Variants in DIAPH2 observed in about 807,000 individuals in gnomAD.
DIAPH2 encodes protein diaphanous homolog 2.
In DIAPH2, 35 loss-of-function variants were observed where a neutral mutation model predicts 92.7. The ratio of observed to expected loss-of-function variants is 0.38; its 90% CI spans 0.29 to 0.50. DIAPH2 has a LOEUF of 0.50. DIAPH2 is among the 20% of genes least tolerant of loss of function. The pLI is 0.94. For synonymous variants in DIAPH2, 301 were observed against 280.4 expected (o/e 1.07, Z -0.73); for missense variants, 701 against 819.5 (o/e 0.86, Z 1.77).
At chrX:96,752,078 AAAT>A (rs1488831206) in intron 3 of DIAPH2, among the ~76,000 whole-genome samples, 1 of 112,304 alleles carries the variant, frequency 8.9e-6, no homozygotes, top group African/African-American at 3.2e-5. Flanking sequence ...GTATGTTTAG[AAAT>A]AGTTTCATAT....
At chrX:97,062,043 C>T (rs745583400) in intron 17 of DIAPH2, among the ~76,000 whole-genome samples, 5 of 111,226 alleles carry the variant, frequency 4.5e-5, no homozygotes, top group Admixed American at 1.9e-4. Flanking sequence ...ATTCTAAGAA[C>T]TTATATATCC....
Position 96,939,554 on chromosome X carries a change from GTATA to G in DIAPH2, c.1325+182_1325+185del, listed in dbSNP as rs368489466. Among the ~76,000 whole-genome samples, 71 of 51,100 alleles carry G rather than the reference GTATA, an allele frequency of 1.4e-3. 1 individual carries two copies. Among genetic ancestry groups the G allele is most frequent in the African/African-American group, 4.3e-3 (70 of 16,173 alleles). The allele number at this position is 51,100 out of a possible 115,157, so 44.4% of individuals were successfully genotyped here. ...TGTATATATATATGTATGTATATAT[GTATA>G]TATATATATGTGTGTGTGTGTGTAT... On this transcript the variant is annotated intron_variant, in intron 12 of 26. Transcript: ENST00000324765.
chrX:97,204,133 TA>T (rs905108746), intron 22 of DIAPH2, among the ~76,000 whole-genome samples: 3 of 112,160 alleles, frequency 2.7e-5, no homozygotes, highest in African/African-American at 9.7e-5. Context: ...CATTTCATGT[TA>T]AAAACTCTCA....
intron 4 of DIAPH2, among the ~76,000 whole-genome samples, chrX:96,769,198 A>G (rs1453672238): frequency 2.7e-5 from 3 of 112,134 alleles, no homozygotes; most frequent in South Asian, 3.7e-4. Context: ...GTATGAATCA[A>G]TAATGACTGA....
chrX:96,755,830 A>G (rs2064225008), intron 3 of DIAPH2, among the ~76,000 whole-genome samples: 1 of 109,915 alleles, frequency 9.1e-6, no homozygotes, highest in Non-Finnish European at 1.9e-5. Flanking sequence ...TCACCCTTTT[A>G]CAATGTGCTC....
At chrX:97,370,459 T>G (rs975691277) in intron 24 of DIAPH2, among the ~76,000 whole-genome samples, 16 of 112,131 alleles carry the variant, frequency 1.4e-4, no homozygotes, top group Non-Finnish European at 3.0e-4. Flanking sequence ...TGATTTTTAG[T>G]GGAACAGTAC....
At position 97,114,719 on chromosome X, in the gene DIAPH2, C is replaced by G; in HGVS notation, c.2350-7C>G. 8.4e-7 allele frequency: 1 copy of G among 1,195,442 alleles called. No homozygotes were observed. The highest frequency in any genetic ancestry group is 1.1e-6 in the Non-Finnish European group (1 of 886,977). ...TATATTCTCATAGGGTATTTCTTAT[C>G]TTACAGATGAGCTCTGTGAAAATGT... On this transcript the variant is annotated splice_region_variant and splice_polypyrimidine_tract_variant and intron_variant, in intron 20 of 26. Transcript: ENST00000324765.
chrX:97,479,534 T>C (rs1046890680), intron 26 of DIAPH2, among the ~76,000 whole-genome samples: 4 of 112,075 alleles, frequency 3.6e-5, no homozygotes, highest in African/African-American at 6.5e-5. Context: ...GCTGGATTTC[T>C]TTAAAATTGT....
chrX:97,331,112 G>A (rs968442042), intron 23 of DIAPH2, among the ~76,000 whole-genome samples: 1 of 111,134 alleles, frequency 9.0e-6, no homozygotes, highest in Admixed American at 9.7e-5. Context: ...TAGATTCACA[G>A]TTCTAGTTTA....
chrX:97,223,242 G>GTT (rs1212505505), intron 22 of DIAPH2, among the ~76,000 whole-genome samples: 1 of 111,479 alleles, frequency 9.0e-6, no homozygotes, highest in Non-Finnish European at 1.9e-5. Flanking sequence ...AAATTTGACT[G>GTT]TTATATATAT....
intron 26 of DIAPH2, among the ~76,000 whole-genome samples, chrX:97,560,142 C>A (rs913567315): frequency 8.9e-6 from 1 of 111,886 alleles, no homozygotes; most frequent in Admixed American, 9.5e-5. Context: ...TTAAAAAGAT[C>A]CCTGCCACCT....
At chrX:97,399,465 G>T (rs1490664284) in intron 25 of DIAPH2, among the ~76,000 whole-genome samples, 1 of 112,063 alleles carries the variant, frequency 8.9e-6, no homozygotes, top group Admixed American at 9.4e-5. Context: ...TTATTTGCAT[G>T]TAATGCTTTC....
intron 17 of DIAPH2, among the ~76,000 whole-genome samples, chrX:96,987,358 G>A (rs916639580): frequency 1.8e-5 from 2 of 111,483 alleles, no homozygotes; most frequent in Non-Finnish European, 3.8e-5. Flanking sequence ...CAACAAATAT[G>A]TATTGAATTT....
intron 23 of DIAPH2, among the ~76,000 whole-genome samples, chrX:97,298,298 T>G (rs2068662984): frequency 9.7e-6 from 1 of 103,597 alleles, no homozygotes; most frequent in African/African-American, 3.5e-5. Flanking sequence ...TATCTGACAT[T>G]GTTGATAATA....
intron 26 of DIAPH2, among the ~76,000 whole-genome samples, chrX:97,493,352 C>T (rs1428548837): frequency 9.0e-6 from 1 of 111,204 alleles, no homozygotes; most frequent in African/African-American, 3.3e-5. Flanking sequence ...ACCTCTGCCT[C>T]CCGGGTTCAA....
chrX:97,404,247 T>C (rs2069786967), intron 25 of DIAPH2, among the ~76,000 whole-genome samples: 1 of 112,142 alleles, frequency 8.9e-6, no homozygotes, highest in African/African-American at 3.2e-5. Context: ...TAATCATTAT[T>C]CTTTTTTTAA....
chrX:96,861,707 C>T (rs757724404), intron 4 of DIAPH2, among the ~76,000 whole-genome samples: 3 of 112,166 alleles, frequency 2.7e-5, no homozygotes, highest in Non-Finnish European at 5.6e-5. Flanking sequence ...GTCTTCATGA[C>T]TTATATTTAC....
At chrX:97,273,147 C>T (rs2068404855) in intron 23 of DIAPH2, among the ~76,000 whole-genome samples, 1 of 111,970 alleles carries the variant, frequency 8.9e-6, no homozygotes, top group Admixed American at 9.5e-5. Context: ...AAGAGCGAAA[C>T]TCCATCTCAA....
chrX:97,583,079 A>AT (rs1253884112), intron 26 of DIAPH2, among the ~76,000 whole-genome samples: 19 of 110,383 alleles, frequency 1.7e-4, no homozygotes, highest in Admixed American at 1.5e-3. Context: ...ATTCTTCTAA[A>AT]TTTTTTTCAA....
Sources: gnomAD v4.1 joint callset for allele counts (sites outside exome capture counted in the v4.1 genomes callset) on GRCh38, gnomAD v4.1.1 for gene constraint, MANE v1.5 for transcripts, NCBI Gene and HGNC (gene_info 2026-07-23, HGNC 2026-07-21) for gene names.